GDAP2: variants seen among roughly 807,000 people sequenced by gnomAD.
GDAP2 encodes ganglioside induced differentiation associated protein 2, also known as ganglioside-induced differentiation-associated protein 2.
A neutral mutation model predicts 67.0 loss-of-function variants in GDAP2; 51 were observed. That is an observed-to-expected ratio of 0.76 (90% confidence interval 0.61 to 0.96). The LOEUF is 0.96. Ranked by LOEUF, GDAP2 falls within the 40% of genes least tolerant of loss-of-function variation. GDAP2 has a pLI of 0.00. For synonymous variants in GDAP2, 203 were observed against 207.3 expected (o/e 0.98, Z 0.18); for missense variants, 547 against 588.3 (o/e 0.93, Z 0.73).
At chr1:117,893,938 T>C (rs2101133604) in intron 8 of GDAP2, among the ~76,000 whole-genome samples, 1 of 152,276 alleles carries the variant, frequency 6.6e-6, no homozygotes, top group African/African-American at 2.4e-5. Context: ...AAAACCTATT[T>C]TGTGAACATA....
chr1:117,898,372 T>G (rs2101138068), intron 7 of GDAP2, among the ~76,000 whole-genome samples: 1 of 152,340 alleles, frequency 6.6e-6, no homozygotes, highest in East Asian at 1.9e-4. Flanking sequence ...TTAAAGTTTA[T>G]GTACTTGTGA....
chr1:117,915,552 G>A (rs1650021249), intron 3 of GDAP2, among the ~76,000 whole-genome samples: 1 of 152,190 alleles, frequency 6.6e-6, no homozygotes, highest in African/African-American at 2.4e-5. Context: ...GAATTCATTT[G>A]CTGAAGAAGG....
At chr1:117,928,079 G>A (rs185163589) in intron 1 of GDAP2, among the ~76,000 whole-genome samples, 2 of 152,168 alleles carry the variant, frequency 1.3e-5, no homozygotes, top group African/African-American at 4.8e-5. Flanking sequence ...TATTAAGATA[G>A]TTTTTTAAGA....
At chr1:117,917,499 A>T (rs1650090313) in intron 3 of GDAP2, among the ~76,000 whole-genome samples, 2 of 152,198 alleles carry the variant, frequency 1.3e-5, no homozygotes, top group African/African-American at 4.8e-5. Flanking sequence ...AGTTTTTTCC[A>T]TCTCCAAATA....
In GDAP2 at chr1:117,869,433, A is replaced by G. The variant is rs937269828; in HGVS notation, c.*1136T>C. 1.3e-5 allele frequency: 2 copies of G among 152,524 alleles called. No individual in the cohort carries two copies. Among genetic ancestry groups the G allele is most frequent in the African/African-American group, 2.4e-5 (1 of 41,438 alleles). 9.4% of individuals were successfully genotyped at this position (152,524 alleles called of 1,614,324 possible). On this transcript the variant is annotated 3_prime_UTR_variant, in exon 14 of 14. Transcript: ENST00000369443. ...CTCAAATGGTATCAAGGACAAGAGGAGTGCTGTGTAGCATTCCCTCATATA... is the reference window on the plus strand; with the variant it reads ...CTCAAATGGTATCAAGGACAAGAGGGGTGCTGTGTAGCATTCCCTCATATA...
chr1:117,893,925 T>C (rs986632281), intron 8 of GDAP2, among the ~76,000 whole-genome samples: 5 of 152,106 alleles, frequency 3.3e-5, no homozygotes, highest in South Asian at 2.1e-4. Context: ...TTAAAAACAA[T>C]GAAAAACCTA....
In GDAP2 at chr1:117,904,097, A is replaced by C. The variant is rs374302925; in HGVS notation, c.636+2409T>G. On this transcript the variant is annotated intron_variant, in intron 6 of 13. Transcript: ENST00000369443. ...TGCTTCCTGGGTTCAAGTGATTCTC[A>C]TATCTCAGCCTCCCTAGTAGCTGGG... 3.3e-5 allele frequency among the ~76,000 whole-genome samples: 5 copies of C among 151,354 alleles called. No individual in the cohort carries two copies. The East Asian group carries it at 9.7e-4, about 29-fold the overall frequency.
intron 6 of GDAP2, among the ~76,000 whole-genome samples, chr1:117,901,920 A>G (rs1449261330): frequency 1.3e-5 from 2 of 152,164 alleles, no homozygotes; most frequent in African/African-American, 2.4e-5. Flanking sequence ...AGGAATCTAG[A>G]GATTACTCCT....
At chr1:117,870,793 C>T (rs559046542) in intron 13 of GDAP2, among the ~76,000 whole-genome samples, 177 bp from the exon 14 acceptor site, 193 of 152,250 alleles carry the variant, frequency 1.3e-3, no homozygotes, top group African/African-American at 4.2e-3. Context: ...GAGTATAAGA[C>T]AGACAAAGGC....
chr1:117,870,430 A>C lies in GDAP2; in HGVS notation c.*139T>G. On this transcript the variant is annotated 3_prime_UTR_variant, in exon 14 of 14. Coordinates refer to ENST00000369443, the MANE Select transcript of GDAP2 (RefSeq NM_017686.4). ...ATTGCTTATGTGCCAGAAAATATAC[A>C]GTCAATAAAAAAATACCAGAGAGGT... 3.0e-6 allele frequency: 2 copies of C among 670,774 alleles called. No homozygotes were observed. The highest frequency in any genetic ancestry group is 5.4e-6 in the Non-Finnish European group (2 of 373,628). 41.6% of individuals were successfully genotyped at this position (670,774 alleles called of 1,614,324 possible). A position where few individuals can be genotyped will look rare whatever the true frequency, so the allele number is the denominator to read the frequency against.
intron 1 of GDAP2, among the ~76,000 whole-genome samples, chr1:117,926,186 A>C (rs1650440227): frequency 6.6e-6 from 1 of 152,196 alleles, no homozygotes; most frequent in African/African-American, 2.4e-5. Context: ...AACCTACTGC[A>C]GTTTTGCTTC....
intron 2 of GDAP2, among the ~76,000 whole-genome samples, chr1:117,919,031 T>A (rs1650149379): frequency 6.6e-6 from 1 of 152,132 alleles, no homozygotes; most frequent in South Asian, 2.1e-4. Flanking sequence ...ACTAACGAAC[T>A]GATACATGTG....
At chr1:117,877,180 GAAAA>G in intron 13 of GDAP2, 3 of 546,900 alleles carry the variant, frequency 5.5e-6, no homozygotes, top group Non-Finnish European at 7.0e-6. Context: ...CACATAAGGG[GAAAA>G]AAATTATAGC....
intron 11 of GDAP2, chr1:117,883,227 T>A (rs1648726510): frequency 2.9e-6 from 1 of 339,014 alleles, no homozygotes; most frequent in Admixed American, 4.4e-5. Context: ...GTATAATACA[T>A]CATATAAATA....
intron 3 of GDAP2, 30 bp from the exon 4 acceptor site, chr1:117,912,713 G>A (rs757747353): frequency 1.9e-6 from 3 of 1,576,274 alleles, no homozygotes; most frequent in Non-Finnish European, 2.6e-6. Flanking sequence ...ACATAAGTTT[G>A]GATGTGTTAG....
At chr1:117,917,046 A>G (rs1036315798) in intron 3 of GDAP2, among the ~76,000 whole-genome samples, 4 of 152,174 alleles carry the variant, frequency 2.6e-5, no homozygotes, top group African/African-American at 9.6e-5. Context: ...GAAAAAAAAA[A>G]AAAGAAAGAA....
Position 117,880,425 on chromosome 1 carries a change from G to T in GDAP2, c.1302+1398C>A, listed in dbSNP as rs560123862. Among the ~76,000 whole-genome samples, 3 of 152,310 alleles carry T rather than the reference G, an allele frequency of 2.0e-5. No individual in the cohort carries two copies. The South Asian group carries it at 6.2e-4, about 32-fold the overall frequency. On this transcript the variant is annotated intron_variant, in intron 12 of 13. Coordinates refer to ENST00000369443, the MANE Select transcript of GDAP2 (RefSeq NM_017686.4). ...GATTTTGGTGTGAAAAGCTTCAGCTGGCAAAGCAGGATAACCACACTGGAG... is the reference window on the plus strand; with the variant it reads ...GATTTTGGTGTGAAAAGCTTCAGCTTGCAAAGCAGGATAACCACACTGGAG...
In GDAP2 at chr1:117,887,517, T is replaced by C. The variant is rs79214642; in HGVS notation, c.1030+181A>G. On this transcript the variant is annotated intron_variant, in intron 9 of 13. Transcript: ENST00000369443. ...CCAATGCAGAACTGTAAGTTGAAAA[T>C]GTTATAGATTGGGATGTTATTTTTA... 8.5e-3 allele frequency among the ~76,000 whole-genome samples: 1,287 copies of C among 152,264 alleles called. 14 individuals are homozygous for C. The highest frequency in any genetic ancestry group is 0.013 in the Non-Finnish European group (912 of 67,998).
chr1:117,916,340 T>C (rs908666160), intron 3 of GDAP2, among the ~76,000 whole-genome samples: 5 of 152,204 alleles, frequency 3.3e-5, no homozygotes, highest in African/African-American at 4.8e-5. Context: ...GAGATCAGTT[T>C]GGCTCAAGCA....
Sources: allele counts gnomAD v4.1 joint callset (sites outside exome capture counted in the v4.1 genomes callset), GRCh38; gene constraint gnomAD v4.1.1; transcripts MANE v1.5; gene names NCBI Gene and HGNC (gene_info 2026-07-23, HGNC 2026-07-21).